ANKRD44: variants seen among roughly 807,000 people sequenced by gnomAD.
ANKRD44 encodes serine/threonine-protein phosphatase 6 regulatory ankyrin repeat subunit B.
ANKRD44 carries 35 observed loss-of-function variants against 116.0 expected under a neutral mutation model. The observed-to-expected ratio is 0.30, with a 90% CI of 0.23 to 0.40. The LOEUF is 0.40. Ranked by LOEUF, ANKRD44 falls within the 10% of genes least tolerant of loss-of-function variation. The pLI is 1.00. For synonymous variants in ANKRD44, 435 were observed against 461.8 expected (o/e 0.94, Z 0.74); for missense variants, 1,014 against 1,242.6 (o/e 0.82, Z 2.77).
rs145228862 is a variant in ANKRD44 at position 197,085,828 on chromosome 2, G to T, written c.1316+852C>A. On this transcript the variant is annotated intron_variant, in intron 13 of 27. Transcript: ENST00000282272. ...TAAACTTGCTTTCACTTTACTCTAT[G>T]GACTCGCCCTGAATTGTTTCTTGCG... Among the ~76,000 whole-genome samples the T allele has an allele frequency of 2.6e-3, 398 of 152,134 alleles. 1 individual carries two copies. Among genetic ancestry groups the T allele is most frequent in the African/African-American group, 9.0e-3 (374 of 41,494 alleles).
intron 21 of ANKRD44, among the ~76,000 whole-genome samples, chr2:196,978,980 T>A (rs898594828): frequency 2.6e-5 from 4 of 151,816 alleles, no homozygotes; most frequent in African/African-American, 9.7e-5. Flanking sequence ...TATAGCATAG[T>A]CGTAAAGATT....
At chr2:197,064,502 C>G (rs1353669851) in intron 16 of ANKRD44, among the ~76,000 whole-genome samples, 1 of 152,170 alleles carries the variant, frequency 6.6e-6, no homozygotes, top group African/African-American at 2.4e-5. Context: ...AAGACAGAGA[C>G]TGGCAAATTG....
At chr2:197,118,670 A>AGAAAG (rs2078779268) in intron 8 of ANKRD44, among the ~76,000 whole-genome samples, 1 of 151,432 alleles carries the variant, frequency 6.6e-6, no homozygotes. Context: ...AAAGAAAGAA[A>AGAAAG]GAAAGAAAAA....
intron 13 of ANKRD44, among the ~76,000 whole-genome samples, chr2:197,084,042 T>A (rs2077861943): frequency 6.6e-6 from 1 of 152,314 alleles, no homozygotes; most frequent in Non-Finnish European, 1.5e-5. Context: ...CTAGTTAATG[T>A]AAATGAAGAA....
At chr2:197,233,899 A>G (rs2081922061) in intron 1 of ANKRD44, among the ~76,000 whole-genome samples, 1 of 152,232 alleles carries the variant, frequency 6.6e-6, no homozygotes, top group African/African-American at 2.4e-5. Context: ...ATCTATAGGC[A>G]TAAGGTTTCA....
intron 1 of ANKRD44, among the ~76,000 whole-genome samples, chr2:197,309,131 A>G (rs1377788548): frequency 6.6e-6 from 1 of 152,238 alleles, no homozygotes; most frequent in Non-Finnish European, 1.5e-5. Flanking sequence ...ATTAACAGAC[A>G]AGTACAGCAA....
Position 197,125,940 on chromosome 2 carries a change from A to C in ANKRD44, c.359T>G (p.Val120Gly), listed in dbSNP as rs1307163342. The change falls in exon 5 of 28, where the codon GTC (valine) becomes GGC (glycine). Residue 120 changes from valine (V) to glycine (G), a missense_variant. Coordinates refer to ENST00000282272, the MANE Select transcript of ANKRD44 (RefSeq NM_001195144.2). Reference sequence around the variant, plus strand: ...GGGAATGATCACTTCTGCACATTTGACAGCCTTGTTGGCTGCTGCCACATG... The same window carrying C: ...GGGAATGATCACTTCTGCACATTTGCCAGCCTTGTTGGCTGCTGCCACATG... ...PLHVAAANKA[V>G]KCAEVIIPLL... 1 of 1,614,066 alleles carries C rather than the reference A, an allele frequency of 6.2e-7. No individual in the cohort carries two copies. Among genetic ancestry groups the C allele is most frequent in the Non-Finnish European group, 8.5e-7 (1 of 1,180,052 alleles).
chr2:196,993,653 G>A lies in ANKRD44; in HGVS notation c.2853C>T (p.Arg951=). 6.4e-7 allele frequency: 1 copy of A among 1,550,964 alleles called. No individual in the cohort carries two copies. Among genetic ancestry groups the A allele is most frequent in the East Asian group, 2.4e-5 (1 of 40,922 alleles). ...ALQTPLHVAA[R]NGLKVVVEEL... ...CCTCAACTACCACCTTTAAGCCATTGCGCGCAGCGACGTGGAGGGGTCTAA... is the reference window on the plus strand; with the variant it reads ...CCTCAACTACCACCTTTAAGCCATTACGCGCAGCGACGTGGAGGGGTCTAA... Residue 951 remains arginine, a synonymous_variant, in exon 27 of 28, where the codon CGC becomes CGT. Transcript: ENST00000282272.
At chr2:197,037,536 T>C (rs922093687) in intron 16 of ANKRD44, among the ~76,000 whole-genome samples, 3 of 152,212 alleles carry the variant, frequency 2.0e-5, no homozygotes, top group Non-Finnish European at 4.4e-5. Flanking sequence ...ACAGCATTAG[T>C]GGAATTAATT....
chr2:197,050,810 T>C (rs4850409), intron 16 of ANKRD44, among the ~76,000 whole-genome samples: 109,558 of 152,046 alleles, frequency 0.72, 40,896 homozygotes, highest in East Asian at 0.86. Flanking sequence ...TACTGTTACC[T>C]TCTGTTGGTA....
intron 1 of ANKRD44, among the ~76,000 whole-genome samples, chr2:197,280,030 C>T (rs1269480039): frequency 6.6e-6 from 1 of 152,208 alleles, no homozygotes; most frequent in Non-Finnish European, 1.5e-5. Context: ...GACACTTCTG[C>T]CTTTAAACCA....
At chr2:197,072,514 C>T (rs2077582162) in intron 16 of ANKRD44, among the ~76,000 whole-genome samples, 1 of 152,182 alleles carries the variant, frequency 6.6e-6, no homozygotes, top group South Asian at 2.1e-4. Flanking sequence ...CACCTGCCAT[C>T]TTCTATGAAA....
chr2:197,054,240 CT>C (rs2077163137), intron 16 of ANKRD44, among the ~76,000 whole-genome samples: 1 of 152,110 alleles, frequency 6.6e-6, no homozygotes, highest in African/African-American at 2.4e-5. Context: ...ACAAATATTT[CT>C]ATAGTATGTG....
chr2:197,099,760 T>C, intron 10 of ANKRD44, 56 bp downstream of exon 10: 1 of 1,605,378 alleles, frequency 6.2e-7, no homozygotes, highest in Non-Finnish European at 8.5e-7. Context: ...GAAGAATCTT[T>C]TTGGCAGTAT....
intron 1 of ANKRD44, among the ~76,000 whole-genome samples, chr2:197,269,393 G>A (rs1197480523): frequency 1.3e-5 from 2 of 152,184 alleles, no homozygotes; most frequent in Non-Finnish European, 2.9e-5. Flanking sequence ...TGTAACTACT[G>A]CAATCACACC....
intron 16 of ANKRD44, among the ~76,000 whole-genome samples, chr2:197,047,079 C>T (rs550678573): frequency 1.3e-5 from 2 of 151,432 alleles, no homozygotes; most frequent in African/African-American, 4.8e-5. Context: ...AGTGCAATGG[C>T]GCAATCTCGG....
chr2:197,126,046 A>G lies in ANKRD44; in HGVS notation c.262-9T>C. On this transcript the variant is annotated splice_polypyrimidine_tract_variant and intron_variant, in intron 4 of 27. Transcript: ENST00000282272. ...AAAACCTGTACTGCTTCCTACAACA[A>G]AAGCAGAGTTTGCAGAGGTCACTGA... is the stretch of plus-strand genomic sequence containing the variant. The G allele has an allele frequency of 6.2e-7, 1 of 1,614,092 alleles. No homozygotes were observed. The highest frequency in any genetic ancestry group is 8.5e-7 in the Non-Finnish European group (1 of 1,179,958).
intron 21 of ANKRD44, among the ~76,000 whole-genome samples, chr2:196,969,359 G>C (rs2075698192): frequency 6.6e-6 from 1 of 151,760 alleles, no homozygotes; most frequent in African/African-American, 2.4e-5. Flanking sequence ...TTCTCCATTT[G>C]TTCATAGATT....
intron 1 of ANKRD44, among the ~76,000 whole-genome samples, chr2:197,255,439 C>A (rs1373809589): frequency 6.6e-6 from 1 of 152,188 alleles, no homozygotes; most frequent in Non-Finnish European, 1.5e-5. Flanking sequence ...TGTGGGCACA[C>A]CCCAACTCTG....
Sources: gnomAD v4.1 joint callset for allele counts (sites outside exome capture counted in the v4.1 genomes callset) on GRCh38, gnomAD v4.1.1 for gene constraint, MANE v1.5 for transcripts, NCBI Gene and HGNC (gene_info 2026-07-23, HGNC 2026-07-21) for gene names.